HSPA4: variants seen among roughly 807,000 people sequenced by gnomAD.
HSPA4 encodes the protein heat shock 70 kDa protein 4.
A neutral mutation model predicts 106.2 loss-of-function variants in HSPA4; 25 were observed. The observed-to-expected ratio is 0.24, with a 90% CI of 0.17 to 0.33. HSPA4 has a LOEUF of 0.33. HSPA4 is among the 10% of genes least tolerant of loss of function. The pLI, the probability that HSPA4 is intolerant of heterozygous loss-of-function variation, is 1.00. For missense variants in HSPA4, 841 were observed against 996.0 expected (o/e 0.84, Z 2.10); for synonymous variants, 332 against 333.6 (o/e 1.00, Z 0.05).
rs1481745639 is a variant in HSPA4, at chr5:133,105,163, G to T, written c.*727G>T. The T allele has an allele frequency of 1.3e-5, 2 of 152,176 alleles. No individual in the cohort carries two copies. The highest frequency in any genetic ancestry group is 2.9e-5 in the Non-Finnish European group (2 of 68,030). 9.4% of individuals were successfully genotyped at this position (152,176 alleles called of 1,614,324 possible). Reference sequence around the variant, plus strand: ...GGTCTAAATAATTTTCAGAAGATTAGAATTGGGTAGATATACTGTTGGATA... The same window carrying T: ...GGTCTAAATAATTTTCAGAAGATTATAATTGGGTAGATATACTGTTGGATA... On this transcript the variant is annotated 3_prime_UTR_variant, in exon 19 of 19. Coordinates refer to ENST00000304858, the MANE Select transcript of HSPA4 (RefSeq NM_002154.4).
In HSPA4 at chr5:133,105,584, C is replaced by T. The variant is rs1399382907; in HGVS notation, c.*1148C>T. 6.6e-6 allele frequency: 1 copy of T among 152,170 alleles called. No individual in the cohort carries two copies. Among genetic ancestry groups the T allele is most frequent in the Non-Finnish European group, 1.5e-5 (1 of 68,034 alleles). The allele number at this position is 152,170 out of a possible 1,614,324, so 9.4% of individuals were successfully genotyped here. A position where few individuals can be genotyped will look rare whatever the true frequency, so the allele number is the denominator to read the frequency against. ...TGACTGCTTTTTGGGGCAGTGTTGA[C>T]AGGAGTGAGGCATTTTGGAAACTCC... is the stretch of plus-strand genomic sequence containing the variant. On this transcript the variant is annotated 3_prime_UTR_variant, in exon 19 of 19. Coordinates refer to ENST00000304858, the MANE Select transcript of HSPA4 (RefSeq NM_002154.4).
chr5:133,084,261 A>G (rs1765551083), intron 7 of HSPA4, among the ~76,000 whole-genome samples: 1 of 152,196 alleles, frequency 6.6e-6, no homozygotes, highest in South Asian at 2.1e-4. Context: ...TTTGTTTCAC[A>G]TGCCATTTGT....
At position 133,104,411 on chromosome 5, in the gene HSPA4, A is replaced by G; in HGVS notation, c.2498A>G (p.Lys833Arg). The G allele has an allele frequency of 6.2e-7, 1 of 1,614,168 alleles. No homozygotes were observed. Among genetic ancestry groups the G allele is most frequent in the Non-Finnish European group, 8.5e-7 (1 of 1,180,006 alleles). Residue 833 changes from lysine (K) to arginine (R), a missense_variant, in exon 19 of 19, where the codon AAG becomes AGG. Transcript: ENST00000304858. The part of the protein sequence containing the change: ...DTAVPSDSDK[K>R]LPEMDID ...GCTGTGCCTTCGGATTCAGACAAGAAGCTTCCTGAAATGGACATTGATTGA... is the reference window on the plus strand; with the variant it reads ...GCTGTGCCTTCGGATTCAGACAAGAGGCTTCCTGAAATGGACATTGATTGA...
intron 16 of HSPA4, 37 bp from the exon 17 acceptor site, chr5:133,101,722 G>C (rs763379637): frequency 3.1e-6 from 5 of 1,592,618 alleles, no homozygotes; most frequent in Non-Finnish European, 4.3e-6. Flanking sequence ...CTGGATCGTT[G>C]AACTGCCGTA....
Position 133,105,458 on chromosome 5 carries a change from A to G in HSPA4, c.*1022A>G, listed in dbSNP as rs569786027. ...ACTAAGATACACTGGATTGTACTGGATGAGTCTGAAATTAGTGTTAAAGAA... is the reference window on the plus strand; with the variant it reads ...ACTAAGATACACTGGATTGTACTGGGTGAGTCTGAAATTAGTGTTAAAGAA... On this transcript the variant is annotated 3_prime_UTR_variant, in exon 19 of 19. Coordinates refer to ENST00000304858, the MANE Select transcript of HSPA4 (RefSeq NM_002154.4). 6.6e-6 allele frequency: 1 copy of G among 152,308 alleles called. No individual in the cohort carries two copies. Among genetic ancestry groups the G allele is most frequent in the East Asian group, 1.9e-4 (1 of 5,180 alleles). 9.4% of individuals were successfully genotyped at this position (152,308 alleles called of 1,614,324 possible). A position where few individuals can be genotyped will look rare whatever the true frequency, so the allele number is the denominator to read the frequency against.
chr5:133,066,856 A>G (rs541563652), intron 2 of HSPA4, among the ~76,000 whole-genome samples: 2 of 151,290 alleles, frequency 1.3e-5, no homozygotes, highest in Admixed American at 1.3e-4. Flanking sequence ...CTGGGGTTAC[A>G]GGTGCGCACC....
intron 1 of HSPA4, among the ~76,000 whole-genome samples, chr5:133,060,621 C>G (rs1004849075): frequency 5.3e-5 from 8 of 152,142 alleles, no homozygotes; most frequent in Admixed American, 3.9e-4. Flanking sequence ...CTCGGCCTCT[C>G]AAAGTGTTGG....
chr5:133,083,855 G>A (rs1487372514), intron 7 of HSPA4, among the ~76,000 whole-genome samples: 1 of 152,094 alleles, frequency 6.6e-6, no homozygotes. Flanking sequence ...TTTGTTTTTA[G>A]CATATCTCAA....
intron 1 of HSPA4, among the ~76,000 whole-genome samples, chr5:133,063,264 C>T (rs1205446257): frequency 2.0e-5 from 3 of 151,480 alleles, no homozygotes; most frequent in African/African-American, 7.3e-5. Flanking sequence ...AGGTGCTCAC[C>T]ACCATGCCCA....
chr5:133,103,444 C>T (rs554897105), intron 17 of HSPA4, among the ~76,000 whole-genome samples: 9 of 151,856 alleles, frequency 5.9e-5, no homozygotes, highest in African/African-American at 2.2e-4. Context: ...TCTCGGCTCA[C>T]TGCAAGCTCC....
chr5:133,081,881 A>G (rs1260362445), intron 7 of HSPA4, among the ~76,000 whole-genome samples: 1 of 152,202 alleles, frequency 6.6e-6, no homozygotes, highest in African/African-American at 2.4e-5. Context: ...AACCAAAAAA[A>G]TCTGCATCAA....
At chr5:133,074,557 C>T (rs1299368856) in intron 6 of HSPA4, among the ~76,000 whole-genome samples, 5 of 152,146 alleles carry the variant, frequency 3.3e-5, no homozygotes, top group Admixed American at 1.3e-4. Context: ...GCATTACAGG[C>T]GTGAGCCACG....
chr5:133,098,798 T>C (rs1765747669), intron 15 of HSPA4, among the ~76,000 whole-genome samples: 1 of 151,792 alleles, frequency 6.6e-6, no homozygotes, highest in Non-Finnish European at 1.5e-5. Flanking sequence ...TCAGCCTCCC[T>C]AGTAGCTGGG....
chr5:133,074,008 G>T lies in HSPA4; in HGVS notation c.545G>T (p.Gly182Val). 6.4e-7 allele frequency: 1 copy of T among 1,573,500 alleles called. No individual in the cohort carries two copies. The highest frequency in any genetic ancestry group is 1.7e-4 in the Middle Eastern group (1 of 5,880). Reference protein sequence around the residue: ...NETTAVALAYGIYKQDLPALE... With the variant: ...NETTAVALAYVIYKQDLPALE... ...TCTTCTGTAGTTGCTCTTGCATATG[G>T]AATCTATAAGCAGGATCTTCCTGCC... The change falls in exon 6 of 19, where the codon GGA becomes GTA. Residue 182 changes from glycine to valine, a missense_variant. Around this residue, in one of 5 missense-constraint regions of HSPA4, gnomAD observed 347 missense variants for 408.7 expected, o/e 0.85. Transcript: ENST00000304858.
chr5:133,099,399 C>G (rs1765757546), intron 15 of HSPA4, 146 bp from the exon 16 acceptor site: 3 of 354,014 alleles, frequency 8.5e-6, no homozygotes, highest in East Asian at 8.8e-5. Context: ...TCCCAAAGTG[C>G]TGGGATTACA....
In HSPA4 at chr5:133,074,012, C is replaced by G; in HGVS notation, c.549C>G (p.Ile183Met). The G allele has an allele frequency of 6.3e-7, 1 of 1,590,978 alleles. No individual in the cohort carries two copies. The highest frequency in any genetic ancestry group is 8.5e-7 in the Non-Finnish European group (1 of 1,171,472). ...CTGTAGTTGCTCTTGCATATGGAATCTATAAGCAGGATCTTCCTGCCTTAG... is the reference window on the plus strand; with the variant it reads ...CTGTAGTTGCTCTTGCATATGGAATGTATAAGCAGGATCTTCCTGCCTTAG... ...ETTAVALAYGIYKQDLPALEE... is the reference protein window; with the variant it reads ...ETTAVALAYGMYKQDLPALEE... Residue 183 changes from isoleucine (I) to methionine (M), a missense_variant, in exon 6 of 19, where the codon ATC (isoleucine) becomes ATG (methionine). Transcript: ENST00000304858.
Position 133,089,714 on chromosome 5 carries a change from AT to A in HSPA4, c.1378+21del. 6.7e-7 allele frequency: 1 copy of A among 1,484,732 alleles called. No individual in the cohort carries two copies. The highest frequency in any genetic ancestry group is 9.0e-7 in the Non-Finnish European group (1 of 1,113,572). 92.0% of individuals were successfully genotyped at this position (1,484,732 alleles called of 1,614,324 possible). On this transcript the variant is annotated intron_variant, in intron 11 of 18. Transcript: ENST00000304858. ...GCTATAGGTAAGTAAAGAGTTGGAA[AT>A]TAAAAAAGAAAAAAAAAAAAAAGCA...
At chr5:133,079,041 T>TAAA (rs1765482884) in intron 7 of HSPA4, among the ~76,000 whole-genome samples, 2 of 152,290 alleles carry the variant, frequency 1.3e-5, no homozygotes, top group Non-Finnish European at 1.5e-5. Flanking sequence ...GCCCCCTTCA[T>TAAA]TTAGTCTTTT....
Position 133,102,197 on chromosome 5 carries a change from C to T in HSPA4, c.2157+319C>T, listed in dbSNP as rs187859419. Among the ~76,000 whole-genome samples, 42 of 152,264 alleles carry T rather than the reference C, an allele frequency of 2.8e-4. No homozygotes were observed. The East Asian group carries it at 6.8e-3, about 24-fold the overall frequency. On this transcript the variant is annotated intron_variant, in intron 17 of 18. Coordinates refer to ENST00000304858, the MANE Select transcript of HSPA4 (RefSeq NM_002154.4). ...CTGCCTTGGCCTCCCAAAGTGCTGGCTGGTATTACAGGCGTGAGCCACTGC... is the reference window on the plus strand; with the variant it reads ...CTGCCTTGGCCTCCCAAAGTGCTGGTTGGTATTACAGGCGTGAGCCACTGC...
Sources: gnomAD v4.1 joint callset for allele counts (sites outside exome capture counted in the v4.1 genomes callset) on GRCh38, gnomAD v4.1.1 for gene constraint, gnomAD v4.1.1 regional missense constraint, MANE v1.5 for transcripts, NCBI Gene and HGNC (gene_info 2026-07-23, HGNC 2026-07-21) for gene names.